The following CARD8 variants were observed in gnomAD, a reference collection of about 807,000 sequenced individuals.
CARD8 encodes caspase recruitment domain-containing protein 8.
A neutral mutation model predicts 53.2 loss-of-function variants in CARD8; 38 were observed. The ratio of observed to expected loss-of-function variants is 0.71; its 90% confidence interval spans 0.55 to 0.94. The LOEUF is 0.94. Among genes scored for constraint, CARD8 ranks in the 40% least tolerant of loss-of-function variants. CARD8 has a pLI of 0.00. For synonymous variants in CARD8, 245 were observed against 244.9 expected (o/e 1.00, Z 0.00); for missense variants, 561 against 655.5 (o/e 0.86, Z 1.57).
At chr19:48,205,592 T>C (rs1356448068), downstream of CARD8, among the ~76,000 whole-genome samples, 1 of 152,180 alleles carries the variant, frequency 6.6e-6, no homozygotes, top group Non-Finnish European at 1.5e-5. Context: ...CTGCTTTACA[T>C]GAGTGCTGTT....
At chr19:48,248,926 G>A (rs944096268) in intron 3 of CARD8, among the ~76,000 whole-genome samples, 1 of 152,152 alleles carries the variant, frequency 6.6e-6, no homozygotes, top group African/African-American at 2.4e-5. Flanking sequence ...GGCCGGGCAC[G>A]GTGGCTCACG....
chr19:48,211,991 A>T lies in CARD8; in HGVS notation c.1349-16T>A. On this transcript the variant is annotated splice_polypyrimidine_tract_variant and intron_variant, in intron 13 of 13. Coordinates refer to ENST00000651546, the MANE Select transcript of CARD8 (RefSeq NM_001184900.3). The stretch of plus-strand genomic sequence containing the variant: ...AAGGCTGCACCTGGATGAAAGGGGG[A>T]GTTTCAGACTTTGAGAATCGTTCAC... 1 of 1,608,510 alleles carries T rather than the reference A, an allele frequency of 6.2e-7. No individual in the cohort carries two copies. The highest frequency in any genetic ancestry group is 1.1e-5 in the South Asian group (1 of 90,500).
Position 48,215,380 on chromosome 19 carries a change from ATC to A in CARD8, c.1306_1307del (p.Asp436SerfsTer38), listed in dbSNP as rs747129041. 6.2e-7 allele frequency: 1 copy of A among 1,609,468 alleles called. No individual in the cohort carries two copies. Among genetic ancestry groups the A allele is most frequent in the East Asian group, 2.2e-5 (1 of 44,824 alleles). On this transcript the variant is annotated frameshift_variant and splice_region_variant, in exon 13 of 14. Coordinates refer to ENST00000651546, the MANE Select transcript of CARD8 (RefSeq NM_001184900.3). LOFTEE classifies it low-confidence loss of function (END_TRUNC). ...GGGCTGATGCAGCTACAAGCTGGAG[ATC>A]CACTACAAAAGAGGGAAAAATTATA... is the stretch of plus-strand genomic sequence containing the variant. ...LVWDTEVKPV[D>X]LQLVAASAPP...
At chr19:48,221,528 A>C (rs1248537578) in intron 11 of CARD8, among the ~76,000 whole-genome samples, 1 of 152,210 alleles carries the variant, frequency 6.6e-6, no homozygotes, top group Admixed American at 6.5e-5. Flanking sequence ...TAAGTATGTC[A>C]AATACTAAAA....
intron 3 of CARD8, among the ~76,000 whole-genome samples, chr19:48,241,337 C>A (rs567467669): frequency 3.3e-5 from 5 of 152,264 alleles, no homozygotes; most frequent in Admixed American, 1.3e-4. Flanking sequence ...CTCACAGCAA[C>A]CTCCACCTCC....
At chr19:48,235,140 A>G (rs1433570587) in intron 5 of CARD8, among the ~76,000 whole-genome samples, 1 of 152,194 alleles carries the variant, frequency 6.6e-6, no homozygotes, top group Admixed American at 6.5e-5. Flanking sequence ...TTTCCCATCA[A>G]GGATCCTTAT....
At chr19:48,230,072 C>T (rs1203287450) in intron 10 of CARD8, among the ~76,000 whole-genome samples, 1 of 152,142 alleles carries the variant, frequency 6.6e-6, no homozygotes, top group Non-Finnish European at 1.5e-5. Flanking sequence ...AAGATTGCGC[C>T]AGTTCACTCC....
chr19:48,207,732 C>CTGGTTTTTTTTTTT (rs1555790095), downstream of CARD8, among the ~76,000 whole-genome samples: 40 of 91,274 alleles, frequency 4.4e-4, no homozygotes, highest in Non-Finnish European at 7.6e-4. Context: ...TGTTGTTTTT[C>CTGGTTTTTTTTTTT]TGTTTTTTTT....
chr19:48,225,653 C>T (rs546029980), intron 10 of CARD8, among the ~76,000 whole-genome samples: 17 of 152,138 alleles, frequency 1.1e-4, no homozygotes, highest in African/African-American at 3.6e-4. Flanking sequence ...AGCAGGAATT[C>T]TTGGAGTATT....
chr19:48,238,132 C>G (rs1240146668), intron 5 of CARD8: 3 of 437,970 alleles, frequency 6.8e-6, no homozygotes, highest in African/African-American at 6.2e-5. Context: ...CTCAGGCGAT[C>G]CACCTGCCCT....
chr19:48,221,781 A>G lies in CARD8; in HGVS notation c.1110T>C (p.Phe370=), dbSNP rs61755274. The change falls in exon 11 of 14, where the codon TTT becomes TTC. Residue 370 remains phenylalanine, a synonymous_variant. Coordinates refer to ENST00000651546, the MANE Select transcript of CARD8 (RefSeq NM_001184900.3). ...QTSPPMEPLN[F]GSSYIVSNSA... ...AATTAGACACAATATAACTGGAACC[A>G]AAGTTCAGGGGTTCCATTGGGGGCG... The G allele has an allele frequency of 3.6e-4, 583 of 1,608,204 alleles. 3 individuals carry two copies. In the African/African-American group the frequency reaches 6.7e-3, roughly 19 times the overall value.
At chr19:48,253,432 G>A (rs974252337) in intron 1 of CARD8, among the ~76,000 whole-genome samples, 1 of 151,948 alleles carries the variant, frequency 6.6e-6, no homozygotes, top group Admixed American at 6.6e-5. Flanking sequence ...TTCCAAGTGG[G>A]GCCACTTCCC....
chr19:48,234,582 G>A, intron 5 of CARD8, 39 bp from the exon 6 acceptor site: 1 of 1,583,162 alleles, frequency 6.3e-7, no homozygotes, highest in Non-Finnish European at 8.6e-7. Flanking sequence ...TGAATATAAG[G>A]TAGGTGCCTG....
At chr19:48,204,965 T>C (rs992024141), downstream of CARD8, among the ~76,000 whole-genome samples, 1 of 152,196 alleles carries the variant, frequency 6.6e-6, no homozygotes, top group Non-Finnish European at 1.5e-5. Flanking sequence ...TCTCTGTTGT[T>C]TATCTGAAAT....
intron 10 of CARD8, among the ~76,000 whole-genome samples, chr19:48,228,519 G>T (rs2042222718): frequency 6.6e-6 from 1 of 152,200 alleles, no homozygotes; most frequent in African/African-American, 2.4e-5. Context: ...CCATTCTAAG[G>T]AAGGGTGGCA....
intron 11 of CARD8, among the ~76,000 whole-genome samples, 179 bp from the exon 12 acceptor site, chr19:48,219,191 A>T (rs2039990788): frequency 5.3e-5 from 8 of 152,226 alleles, no homozygotes. Context: ...AAATGCTTTT[A>T]TACCAGGAAG....
chr19:48,249,082 A>T (rs1213492496), intron 3 of CARD8, among the ~76,000 whole-genome samples: 2 of 152,040 alleles, frequency 1.3e-5, no homozygotes, highest in African/African-American at 4.8e-5. Flanking sequence ...CTGTCACCCC[A>T]GCTACTCGGG....
chr19:48,253,984 A>T (rs1258500461), intron 1 of CARD8, among the ~76,000 whole-genome samples: 1 of 152,128 alleles, frequency 6.6e-6, no homozygotes, highest in Non-Finnish European at 1.5e-5. Flanking sequence ...ATCCTATCTC[A>T]AGCATAGAGG....
rs1438946702 is a variant in CARD8, at chr19:48,230,961, G to A, written c.588C>T (p.Gly196=). The A allele has an allele frequency of 1.2e-6, 2 of 1,614,068 alleles. No individual in the cohort carries two copies. Among genetic ancestry groups the A allele is most frequent in the Non-Finnish European group, 1.7e-6 (2 of 1,180,060 alleles). Residue 196 remains glycine (G), a synonymous_variant, in exon 9 of 14, where the codon GGC becomes GGT. Transcript: ENST00000651546. ...CCTCATCCCTTACCAGGAAGCCGAG[G>A]CCTGTGGCTGACCACAGATACCAGC... ...TAGWYLWSAT[G]LGFLVRDEVT...
Sources: gnomAD v4.1 joint callset for allele counts (sites outside exome capture counted in the v4.1 genomes callset) on GRCh38, gnomAD v4.1.1 for gene constraint, MANE v1.5 for transcripts, NCBI Gene and HGNC (gene_info 2026-07-23, HGNC 2026-07-21) for gene names.